Variants in PNLIPRP3 observed in about 807,000 individuals in gnomAD.
PNLIPRP3 encodes pancreatic lipase-related protein 3.
PNLIPRP3 carries 58 observed loss-of-function variants against 52.8 expected under a neutral mutation model. The ratio of observed to expected loss-of-function variants is 1.10; its 90% CI spans 0.89 to 1.37. PNLIPRP3 has a LOEUF of 1.37. PNLIPRP3 is among the 40% of genes most tolerant of loss of function. The pLI, the probability that PNLIPRP3 is intolerant of heterozygous loss-of-function variation, is 0.00. For missense variants in PNLIPRP3, 593 were observed against 561.6 expected (o/e 1.06, Z -0.57); for synonymous variants, 192 against 185.0 (o/e 1.04, Z -0.31).
At chr10:116,435,804 C>T (rs376780612) in intron 1 of PNLIPRP3, among the ~76,000 whole-genome samples, 3 of 152,198 alleles carry the variant, frequency 2.0e-5, no homozygotes, top group African/African-American at 7.2e-5. Context: ...TGTGTGAGTT[C>T]CTTAGGTAAT....
intron 1 of PNLIPRP3, among the ~76,000 whole-genome samples, chr10:116,430,283 T>A (rs10787671): frequency 0.88 from 134,427 of 152,082 alleles, 59,960 homozygotes; most frequent in South Asian, 0.97. Context: ...AGCCAAGAGG[T>A]TTGGTGGGCA....
At chr10:116,447,288 G>A (rs972818595) in intron 4 of PNLIPRP3, among the ~76,000 whole-genome samples, 17 of 152,292 alleles carry the variant, frequency 1.1e-4, no homozygotes, top group African/African-American at 3.8e-4. Context: ...CCAGCACAAA[G>A]TTTTGACAGG....
At chr10:116,453,732 C>T (rs1846072138) in intron 4 of PNLIPRP3, among the ~76,000 whole-genome samples, 1 of 152,124 alleles carries the variant, frequency 6.6e-6, no homozygotes, top group South Asian at 2.1e-4. Flanking sequence ...TCCTCCTTTG[C>T]CTTCCCCGAT....
chr10:116,469,528 C>A (rs1004811727), intron 9 of PNLIPRP3, among the ~76,000 whole-genome samples: 2 of 152,230 alleles, frequency 1.3e-5, no homozygotes, highest in African/African-American at 4.8e-5. Context: ...AATAAACTTT[C>A]TCTTAGGAAA....
intron 1 of PNLIPRP3, among the ~76,000 whole-genome samples, chr10:116,436,380 T>C (rs1564692462): frequency 6.6e-6 from 1 of 152,196 alleles, no homozygotes. Flanking sequence ...AGACTTGAAA[T>C]TATAAAACTC....
chr10:116,473,070 A>C (rs1439608443), intron 10 of PNLIPRP3, among the ~76,000 whole-genome samples: 1 of 152,224 alleles, frequency 6.6e-6, no homozygotes, highest in South Asian at 2.1e-4. Flanking sequence ...ATGAATATGC[A>C]GTTTCTGCCT....
intron 2 of PNLIPRP3, chr10:116,439,401 C>T: frequency 1.8e-6 from 1 of 548,276 alleles, no homozygotes; most frequent in South Asian, 2.0e-5. Flanking sequence ...AGAAATGTGT[C>T]AATTACAGAG....
chr10:116,477,013 A>G, intron 11 of PNLIPRP3, 77 bp from the exon 12 acceptor site: 1 of 1,299,920 alleles, frequency 7.7e-7, no homozygotes, highest in Non-Finnish European at 1.1e-6. Flanking sequence ...TACTCATTAA[A>G]TCGGGGGATC....
chr10:116,442,689 C>T (rs1191784076), intron 2 of PNLIPRP3, among the ~76,000 whole-genome samples: 2 of 151,982 alleles, frequency 1.3e-5, no homozygotes, highest in Non-Finnish European at 2.9e-5. Context: ...CATAGTGAGA[C>T]CCTGTCTCTA....
intron 1 of PNLIPRP3, among the ~76,000 whole-genome samples, chr10:116,433,618 C>T (rs577163258): frequency 6.6e-6 from 1 of 151,580 alleles, no homozygotes; most frequent in Admixed American, 6.6e-5. Context: ...CTCTCCATCC[C>T]TTTAAGACCA....
At chr10:116,455,542 T>A (rs1290721728) in intron 4 of PNLIPRP3, among the ~76,000 whole-genome samples, 180 bp from the exon 5 acceptor site, 1 of 152,218 alleles carries the variant, frequency 6.6e-6, no homozygotes, top group Non-Finnish European at 1.5e-5. Context: ...CAAGCTCATC[T>A]GTTCTCCTTC....
intron 8 of PNLIPRP3, 109 bp downstream of exon 8, chr10:116,466,277 C>T: frequency 1.4e-6 from 1 of 723,328 alleles, no homozygotes; most frequent in South Asian, 1.9e-5. Flanking sequence ...ATGCACCTGC[C>T]ATTTTGGGAA....
intron 10 of PNLIPRP3, among the ~76,000 whole-genome samples, chr10:116,472,329 A>C (rs1269406151): frequency 6.6e-6 from 1 of 152,230 alleles, no homozygotes; most frequent in African/African-American, 2.4e-5. Context: ...AGAGGTTAAA[A>C]ATAATCCAGT....
chr10:116,460,749 T>C (rs1846179612), intron 5 of PNLIPRP3, among the ~76,000 whole-genome samples: 1 of 152,178 alleles, frequency 6.6e-6, no homozygotes, highest in Non-Finnish European at 1.5e-5. Flanking sequence ...TTGTTAGCTG[T>C]TTTGGCATTG....
At chr10:116,455,375 G>A (rs1270095714) in intron 4 of PNLIPRP3, among the ~76,000 whole-genome samples, 1 of 152,178 alleles carries the variant, frequency 6.6e-6, no homozygotes, top group Non-Finnish European at 1.5e-5. Flanking sequence ...TGCCTTTGAT[G>A]CATGTTGTGA....
intron 1 of PNLIPRP3, 119 bp downstream of exon 1, chr10:116,428,180 T>C (rs1845663760): frequency 2.9e-6 from 2 of 692,492 alleles, no homozygotes; most frequent in Admixed American, 2.9e-5. Flanking sequence ...TCTTAAGTAG[T>C]TTATTGTTTT....
At chr10:116,436,910 A>G (rs1348959571) in intron 2 of PNLIPRP3, 45 bp downstream of exon 2, 2 of 1,508,446 alleles carry the variant, frequency 1.3e-6, no homozygotes, top group Non-Finnish European at 9.0e-7. Context: ...TCTAAAATAT[A>G]AGATTTGCCT....
intron 8 of PNLIPRP3, among the ~76,000 whole-genome samples, chr10:116,468,143 A>AG (rs1846310131): frequency 6.7e-6 from 1 of 149,236 alleles, no homozygotes; most frequent in African/African-American, 2.4e-5. Context: ...AAAAAAAAAA[A>AG]AAAAAAAAAG....
At chr10:116,463,430 C>A (rs1252651948) in intron 7 of PNLIPRP3, among the ~76,000 whole-genome samples, 1 of 152,166 alleles carries the variant, frequency 6.6e-6, no homozygotes, top group African/African-American at 2.4e-5. Context: ...CCTTCAGGAC[C>A]TCTCTCCCCA....
Sources: allele counts gnomAD v4.1 joint callset (sites outside exome capture counted in the v4.1 genomes callset), GRCh38; gene constraint gnomAD v4.1.1; transcripts MANE v1.5; gene names NCBI Gene and HGNC (gene_info 2026-07-23, HGNC 2026-07-21).